SGPP2: variants seen among roughly 807,000 people sequenced by gnomAD.
SGPP2 encodes the protein sphingosine 1-phosphate phosphohydrolase 2.
In SGPP2, 30 loss-of-function variants were observed where a neutral mutation model predicts 33.9. The observed-to-expected ratio is 0.89, with a 90% CI of 0.66 to 1.20. The LOEUF (loss-of-function observed/expected upper bound fraction) is 1.20, where lower values mean the gene tolerates loss of function less well. Among genes scored for constraint, SGPP2 ranks in the 50% most tolerant of loss-of-function variants. SGPP2 has a pLI of 0.00. For synonymous variants in SGPP2, 233 were observed against 225.0 expected, an observed-to-expected ratio of 1.04 and a Z score of -0.32; for missense variants, 458 against 532.1, an observed-to-expected ratio of 0.86 and a Z score of 1.37.
intron 4 of SGPP2, among the ~76,000 whole-genome samples, chr2:222,544,934 T>C (rs1356637179): frequency 6.6e-6 from 1 of 152,148 alleles, no homozygotes; most frequent in African/African-American, 2.4e-5. Context: ...TATTATAAAA[T>C]AATAAAGCTA....
At chr2:222,546,428 G>A (rs1689204387) in intron 4 of SGPP2, among the ~76,000 whole-genome samples, 2 of 152,158 alleles carry the variant, frequency 1.3e-5, no homozygotes, top group Non-Finnish European at 2.9e-5. Flanking sequence ...CTCTGTAAGT[G>A]AGATTGTCCA....
intron 1 of SGPP2, among the ~76,000 whole-genome samples, chr2:222,446,198 G>T (rs1697396355): frequency 1.3e-5 from 2 of 152,120 alleles, no homozygotes; most frequent in Non-Finnish European, 2.9e-5. Context: ...GTACGGTATA[G>T]GTAGAAATAA....
intron 1 of SGPP2, among the ~76,000 whole-genome samples, chr2:222,467,266 A>G (rs370893610): frequency 2.7e-5 from 4 of 150,480 alleles, no homozygotes; most frequent in African/African-American, 9.7e-5. Context: ...ATTCGGATGC[A>G]TATTACAATT....
intron 2 of SGPP2, among the ~76,000 whole-genome samples, chr2:222,507,464 T>A (rs898005884): frequency 3.4e-4 from 52 of 152,234 alleles, no homozygotes; most frequent in Non-Finnish European, 2.2e-4. Flanking sequence ...ATTGTTGCCA[T>A]CAGGGGTTTG....
chr2:222,456,762 C>A lies in SGPP2; in HGVS notation c.220-17806C>A, dbSNP rs543656646. Among the ~76,000 whole-genome samples, 6 of 152,250 alleles carry A rather than the reference C, an allele frequency of 3.9e-5. No individual in the cohort carries two copies. In the South Asian group the frequency reaches 1.2e-3, roughly 32 times the overall value. On this transcript the variant is annotated intron_variant, in intron 1 of 4. Coordinates refer to ENST00000321276, the MANE Select transcript of SGPP2 (RefSeq NM_152386.4). ...TCTGTATGCTCATGGAAGGCAAAGG[C>A]AAGTGATGACCTCAGCCCCAGCTTC...
intron 1 of SGPP2, among the ~76,000 whole-genome samples, chr2:222,451,521 G>A (rs556962466): frequency 6.6e-6 from 1 of 152,212 alleles, no homozygotes. Flanking sequence ...AGAAACTGCA[G>A]AGCAGATGTC....
chr2:222,459,764 T>G (rs1275365078), intron 1 of SGPP2, among the ~76,000 whole-genome samples: 1 of 152,112 alleles, frequency 6.6e-6, no homozygotes, highest in Non-Finnish European at 1.5e-5. Flanking sequence ...TTTTCTCCTT[T>G]CTGGCCTTCA....
At position 222,477,357 on chromosome 2, in the gene SGPP2, A is replaced by G. The variant is rs191382629; in HGVS notation, c.378+2631A>G. Among the ~76,000 whole-genome samples, 11 of 150,636 alleles carry G rather than the reference A, an allele frequency of 7.3e-5. No individual in the cohort carries two copies. The East Asian group carries it at 2.2e-3, about 30-fold the overall frequency. ...TGTGTGTGTGTATAGGTGTGTATAT[A>G]TGTGTATGTGTGTATATAGGTGTGT... On this transcript the variant is annotated intron_variant, in intron 2 of 4. Transcript: ENST00000321276. This position sits in a 1 kb window ranked among gnomAD's most constrained non-coding sequence, Gnocchi z 6.0.
intron 3 of SGPP2, among the ~76,000 whole-genome samples, chr2:222,523,168 G>A (rs2106134950): frequency 6.6e-6 from 1 of 152,350 alleles, no homozygotes; most frequent in South Asian, 2.1e-4. Flanking sequence ...CTCTACCACT[G>A]TAGCCTTCTA....
At chr2:222,518,617 A>G (rs181079645) in intron 2 of SGPP2, among the ~76,000 whole-genome samples, 2 of 152,330 alleles carry the variant, frequency 1.3e-5, no homozygotes, top group East Asian at 3.9e-4. Flanking sequence ...GATAATGGTC[A>G]GTTAGTTGTG....
intron 2 of SGPP2, chr2:222,498,442 G>C (rs1698316248): frequency 6.6e-6 from 1 of 152,044 alleles, no homozygotes; most frequent in South Asian, 2.1e-4. Context: ...AGCCAACATG[G>C]TCTCCCGGCC....
intron 2 of SGPP2, among the ~76,000 whole-genome samples, chr2:222,488,876 C>T (rs1698154618): frequency 6.6e-6 from 1 of 152,156 alleles, no homozygotes. Flanking sequence ...TTTCTTCTCG[C>T]ATTCACAGGC....
At chr2:222,504,480 T>A (rs1325423232) in intron 2 of SGPP2, 1 of 152,250 alleles carries the variant, frequency 6.6e-6, no homozygotes, top group Non-Finnish European at 1.5e-5. Context: ...CACAGCAGCA[T>A]TGGCGCAGGT....
chr2:222,504,440 G>A (rs956424563), intron 2 of SGPP2: 8 of 152,224 alleles, frequency 5.3e-5, no homozygotes, highest in East Asian at 1.9e-4. Context: ...CGAAGGAGTT[G>A]TCATCTTCAC....
In SGPP2 at chr2:222,526,972, C is replaced by T. The variant is rs571711863; in HGVS notation, c.648+1939C>T. On this transcript the variant is annotated intron_variant, in intron 4 of 4. Transcript: ENST00000321276. ...ACCTGCATGTTCTGCACATGTATCTCGGAACTTAAAGTAAAATTTAAAAAA... is the reference window on the plus strand; with the variant it reads ...ACCTGCATGTTCTGCACATGTATCTTGGAACTTAAAGTAAAATTTAAAAAA... 2.4e-4 allele frequency among the ~76,000 whole-genome samples: 37 copies of T among 152,072 alleles called. No homozygotes were observed. In the South Asian group the frequency reaches 6.4e-3, roughly 26 times the overall value.
intron 2 of SGPP2, among the ~76,000 whole-genome samples, chr2:222,519,666 AC>A (rs1698654430): frequency 6.6e-6 from 1 of 151,504 alleles, no homozygotes; most frequent in African/African-American, 2.4e-5. Context: ...TTTTCAACCT[AC>A]TCCCTCCCCG....
At chr2:222,493,696 G>A (rs928502465) in intron 2 of SGPP2, among the ~76,000 whole-genome samples, 15 of 152,302 alleles carry the variant, frequency 9.8e-5, no homozygotes, top group African/African-American at 2.4e-4. Flanking sequence ...CTACATTTAC[G>A]TATGATGAAA....
intron 1 of SGPP2, among the ~76,000 whole-genome samples, chr2:222,471,502 C>A (rs774234179): frequency 6.6e-6 from 1 of 151,684 alleles, no homozygotes; most frequent in Non-Finnish European, 1.5e-5. Flanking sequence ...AAAATTTATT[C>A]CCCCAAATTG....
intron 1 of SGPP2, among the ~76,000 whole-genome samples, chr2:222,427,202 A>G (rs1224476355): frequency 6.6e-6 from 1 of 152,158 alleles, no homozygotes; most frequent in Non-Finnish European, 1.5e-5. Flanking sequence ...CCTGGCACGT[A>G]GGAGGGACTA....
Sources: allele counts gnomAD v4.1 joint callset (sites outside exome capture counted in the v4.1 genomes callset), GRCh38; gene constraint gnomAD v4.1.1; non-coding constraint Gnocchi (gnomAD v3.1); transcripts MANE v1.5; gene names NCBI Gene and HGNC (gene_info 2026-07-23, HGNC 2026-07-21).